The following ACBD5 variants were observed in gnomAD, a reference collection of about 807,000 sequenced individuals.
The protein encoded by ACBD5 is acyl-CoA-binding domain-containing protein 5.
ACBD5 carries 40 observed loss-of-function variants against 71.8 expected under a neutral mutation model. The ratio of observed to expected loss-of-function variants is 0.56; its 90% CI spans 0.43 to 0.72. ACBD5 has a LOEUF of 0.72. ACBD5 is among the 30% of genes least tolerant of loss of function. The pLI is 0.00. For synonymous variants in ACBD5, 229 were observed against 218.6 expected, an observed-to-expected ratio of 1.05 and a Z score of -0.42; for missense variants, 559 against 644.5, an observed-to-expected ratio of 0.87 and a Z score of 1.44.
chr10:27,214,511 C>T (rs2061427234), intron 8 of ACBD5, among the ~76,000 whole-genome samples: 1 of 151,550 alleles, frequency 6.6e-6, no homozygotes, highest in Non-Finnish European at 1.5e-5. Flanking sequence ...CCAGTCTAAC[C>T]CATGAATATA....
At position 27,195,866 on chromosome 10, in the gene ACBD5, T is replaced by C; in HGVS notation, c.*1564A>G. ...TCTTATTTAAAACACTGTGAACATA[T>C]GATGTTAAACCCAACATCATACATC... On this transcript the variant is annotated 3_prime_UTR_variant, in exon 13 of 13. Coordinates refer to ENST00000396271, the MANE Select transcript of ACBD5 (RefSeq NM_145698.5). 1 of 452,782 alleles carries C rather than the reference T, an allele frequency of 2.2e-6. No homozygotes were observed. The highest frequency in any genetic ancestry group is 4.4e-6 in the Non-Finnish European group (1 of 226,450). The allele number at this position is 452,782 out of a possible 1,614,324, so 28.0% of individuals were successfully genotyped here. A position where few individuals can be genotyped will look rare whatever the true frequency, so the allele number is the denominator to read the frequency against.
intron 4 of ACBD5, among the ~76,000 whole-genome samples, chr10:27,230,154 A>G (rs658082): frequency 0.99 from 150,062 of 151,012 alleles, 74,565 homozygotes; most frequent in Middle Eastern, 1. Context: ...ATTACCTTTC[A>G]TTCTCTGCTT....
At chr10:27,214,079 T>TC (rs1382612067) in intron 8 of ACBD5, among the ~76,000 whole-genome samples, 2 of 152,168 alleles carry the variant, frequency 1.3e-5, no homozygotes, top group Non-Finnish European at 2.9e-5. Context: ...AAGAAAAACT[T>TC]CAAATGGTCT....
chr10:27,194,272 AC>A (rs1196309992), downstream of ACBD5, among the ~76,000 whole-genome samples: 1 of 128,836 alleles, frequency 7.8e-6, no homozygotes, highest in African/African-American at 2.7e-5. Context: ...AAAAAAAAAA[AC>A]CCTCTCATCA....
intron 13 of ACBD5, among the ~76,000 whole-genome samples, chr10:27,188,458 T>G (rs1195479970): frequency 2.0e-5 from 3 of 152,186 alleles, no homozygotes; most frequent in African/African-American, 7.2e-5. Flanking sequence ...TGGGGATTAA[T>G]AGTGATTAAT....
chr10:27,221,713 A>C (rs1252626413), intron 5 of ACBD5, among the ~76,000 whole-genome samples: 1 of 151,980 alleles, frequency 6.6e-6, no homozygotes, highest in East Asian at 1.9e-4. Flanking sequence ...CAGGAGTTCG[A>C]GATCAGCCTG....
intron 2 of ACBD5, among the ~76,000 whole-genome samples, chr10:27,238,062 C>T (rs2064982993): frequency 6.6e-6 from 1 of 152,164 alleles, no homozygotes; most frequent in East Asian, 1.9e-4. Context: ...TCTCCTGCCT[C>T]AGCCTCCCGA....
downstream of ACBD5, among the ~76,000 whole-genome samples, chr10:27,194,608 T>C (rs1413717575): frequency 3.4e-5 from 2 of 58,246 alleles, no homozygotes; most frequent in African/African-American, 5.7e-5. Context: ...CAAGACTCCA[T>C]CTCAAATAAT....
At position 27,218,125 on chromosome 10, in the gene ACBD5, A is replaced by C. The variant is rs777185132; in HGVS notation, c.684T>G (p.Asn228Lys). ...DHKNLEVIVT[N>K]GYDKDGFVQD... ...GAACAAAGCCATCTTTATCATAGCCATTAGTGACAATGACTTCCAAATTCT... is the reference window on the plus strand; with the variant it reads ...GAACAAAGCCATCTTTATCATAGCCCTTAGTGACAATGACTTCCAAATTCT... The change falls in exon 7 of 13, where the codon AAT becomes AAG. Residue 228 changes from asparagine (N) to lysine (K), a missense_variant. Physicochemically the swap from Asn to Lys is moderately conservative, Grantham distance 94. Coordinates refer to ENST00000396271, the MANE Select transcript of ACBD5 (RefSeq NM_145698.5). 2 of 1,614,174 alleles carry C rather than the reference A, an allele frequency of 1.2e-6. No homozygotes were observed. The highest frequency in any genetic ancestry group is 1.7e-5 in the Admixed American group (1 of 60,020).
At chr10:27,205,624 G>T (rs115972514) in intron 10 of ACBD5, among the ~76,000 whole-genome samples, 11 of 151,552 alleles carry the variant, frequency 7.3e-5, no homozygotes, top group Admixed American at 7.2e-4. Context: ...TTTGAGACAC[G>T]ATCTTGGCTC....
At chr10:27,212,330 C>T (rs1234064051) in intron 8 of ACBD5, among the ~76,000 whole-genome samples, 1 of 152,162 alleles carries the variant, frequency 6.6e-6, no homozygotes, top group Non-Finnish European at 1.5e-5. Context: ...GAAGCCAGGT[C>T]AGACAGCCCC....
intron 2 of ACBD5, among the ~76,000 whole-genome samples, chr10:27,238,787 AATG>A (rs2065090890): frequency 7.6e-6 from 1 of 131,142 alleles, no homozygotes; most frequent in Non-Finnish European, 1.5e-5. Flanking sequence ...ATTGATAATT[AATG>A]ATAATTAATG....
intron 2 of ACBD5, among the ~76,000 whole-genome samples, chr10:27,239,983 G>T (rs970335096): frequency 6.6e-6 from 1 of 152,148 alleles, no homozygotes; most frequent in African/African-American, 2.4e-5. Context: ...CCTGACCTCA[G>T]GTGATCCATC....
chr10:27,190,728 GT>G (rs2059043264), downstream of ACBD5, among the ~76,000 whole-genome samples: 1 of 152,216 alleles, frequency 6.6e-6, no homozygotes, highest in South Asian at 2.1e-4. Flanking sequence ...TGTGTGGAAA[GT>G]GTATTGTACG....
In ACBD5 at chr10:27,224,202, C is replaced by CAAAA. The variant is rs35272279; in HGVS notation, c.376-754_376-751dup. ...GCAACATAGTAAGGGCCCATTTCTA[C>CAAAA]AAAAAAAAAAAAAAAAATTGTCTAA... On this transcript the variant is annotated intron_variant, in intron 4 of 12. Coordinates refer to ENST00000396271, the MANE Select transcript of ACBD5 (RefSeq NM_145698.5). Among the ~76,000 whole-genome samples the CAAAA allele has an allele frequency of 2.9e-3, 366 of 124,628 alleles. 4 individuals are homozygous for CAAAA. The highest frequency in any genetic ancestry group is 0.026 in the South Asian group (104 of 4,068). 81.8% of individuals were successfully genotyped at this position (124,628 alleles called of 152,430 possible).
intron 13 of ACBD5, among the ~76,000 whole-genome samples, chr10:27,183,914 G>A (rs2058475631): frequency 6.6e-6 from 1 of 152,148 alleles, no homozygotes; most frequent in South Asian, 2.1e-4. Flanking sequence ...GTTTTGCTGT[G>A]TTGCCCAGGC....
chr10:27,199,133 TAAAA>T (rs2059655483), intron 12 of ACBD5, among the ~76,000 whole-genome samples: 2 of 150,028 alleles, frequency 1.3e-5, no homozygotes, highest in Admixed American at 1.3e-4. Context: ...TACAAATAAA[TAAAA>T]ATTAAAAAAA....
In ACBD5 at chr10:27,236,884, C is replaced by CAA. The variant is rs5783998; in HGVS notation, c.182-1674_182-1673dup. Among the ~76,000 whole-genome samples the CAA allele has an allele frequency of 1.9e-3, 162 of 87,046 alleles. 1 individual carries two copies. Among genetic ancestry groups the CAA allele is most frequent in the East Asian group, 7.6e-3 (25 of 3,302 alleles). The allele number at this position is 87,046 out of a possible 152,430, so 57.1% of individuals were successfully genotyped here. Reference sequence around the variant, plus strand: ...TGGGCAGCTGAGCAAGACTTGGTCTCAAAAAAAAAAAAAAAAAAAAAGCTG... The same window carrying CAA: ...TGGGCAGCTGAGCAAGACTTGGTCTCAAAAAAAAAAAAAAAAAAAAAAAGCTG... On this transcript the variant is annotated intron_variant, in intron 2 of 12. Transcript: ENST00000396271.
intron 4 of ACBD5, among the ~76,000 whole-genome samples, chr10:27,225,803 C>T (rs1267488993): frequency 2.0e-5 from 3 of 151,632 alleles, no homozygotes; most frequent in Admixed American, 1.3e-4. Flanking sequence ...CCCACACTGC[C>T]GTAATATAAA....
Sources: allele counts gnomAD v4.1 joint callset (sites outside exome capture counted in the v4.1 genomes callset), GRCh38; gene constraint gnomAD v4.1.1; transcripts MANE v1.5; gene names NCBI Gene and HGNC (gene_info 2026-07-23, HGNC 2026-07-21).